Variants in S100B observed in about 807,000 individuals in gnomAD.
S100B encodes S100 calcium binding protein B.
A neutral mutation model predicts 7.7 loss-of-function variants in S100B; 6 were observed. That is an observed-to-expected ratio of 0.78 (90% confidence interval 0.43 to 1.54). S100B has a LOEUF of 1.54. S100B is among the 40% of genes most tolerant of loss of function. The pLI is 0.01. For synonymous variants in S100B, 36 were observed against 40.4 expected (o/e 0.89, Z 0.41); for missense variants, 99 against 111.8 (o/e 0.89, Z 0.52).
At chr21:46,604,026 A>G (rs1187064115) in intron 1 of S100B, among the ~76,000 whole-genome samples, 2 of 152,228 alleles carry the variant, frequency 1.3e-5, no homozygotes. Context: ...CTCAAAGTCC[A>G]TGATGATTTG....
chr21:46,600,881 C>T (rs1170864224), intron 2 of S100B, among the ~76,000 whole-genome samples: 1 of 152,172 alleles, frequency 6.6e-6, no homozygotes, highest in East Asian at 1.9e-4. Context: ...AGCCCTTGTT[C>T]AGAAGAAGAA....
chr21:46,603,392 A>AGGGGACGGCGGGAGGGCGGGGGGG (rs1555923730), intron 1 of S100B, among the ~76,000 whole-genome samples: 1 of 38,206 alleles, frequency 2.6e-5, no homozygotes, highest in Non-Finnish European at 4.9e-5. Context: ...GGACGGCGGG[A>AGGGGACGGCGGGAGGGCGGGGGGG]GGGGGTGGGG....
At chr21:46,604,361 CA>C (rs1455628426) in intron 1 of S100B, among the ~76,000 whole-genome samples, 1 of 152,206 alleles carries the variant, frequency 6.6e-6, no homozygotes, top group Non-Finnish European at 1.5e-5. Context: ...CTTAGAAAGA[CA>C]AGTTACCTAG....
chr21:46,603,993 A>G (rs1211645026), intron 1 of S100B, among the ~76,000 whole-genome samples: 3 of 152,214 alleles, frequency 2.0e-5, no homozygotes, highest in Non-Finnish European at 4.4e-5. Flanking sequence ...AAAACAAGAC[A>G]CTTTTACATC....
intron 2 of S100B, 109 bp from the exon 3 acceptor site, chr21:46,599,612 A>G (rs2061036054): frequency 1.0e-5 from 10 of 958,666 alleles, no homozygotes; most frequent in Admixed American, 7.6e-5. Context: ...GAAATAACCT[A>G]AGAACATCAA....
Position 46,598,671 on chromosome 21 carries a change from C to T in S100B, c.*692G>A, listed in dbSNP as rs922312655. Among the ~76,000 whole-genome samples the T allele has an allele frequency of 6.6e-6, 1 of 152,238 alleles. No homozygotes were observed. The highest frequency in any genetic ancestry group is 1.5e-5 in the Non-Finnish European group (1 of 68,052). On this transcript the variant is annotated 3_prime_UTR_variant, in exon 3 of 3. Coordinates refer to ENST00000291700, the MANE Select transcript of S100B (RefSeq NM_006272.3). ...GGCTCAGAGCCCCCGGTAGTGCCCT[C>T]GGAAGCCGCATGTGCTGGAGGCACG...
intron 2 of S100B, 122 bp from the exon 3 acceptor site, chr21:46,599,625 G>T: frequency 1.1e-6 from 1 of 890,710 alleles, no homozygotes. Flanking sequence ...AACATCAAAT[G>T]CAAAATATCA....
chr21:46,602,705 G>A (rs2061045103), intron 1 of S100B: 1 of 280,344 alleles, frequency 3.6e-6, no homozygotes. Context: ...GGGCCAACAG[G>A]GAAACTGGCA....
chr21:46,599,395 T>G lies in S100B; in HGVS notation c.247A>C (p.Thr83Pro). The change falls in exon 3 of 3, where the codon ACT becomes CCT. Residue 83 changes from threonine (T) to proline (P), a missense_variant. Transcript: ENST00000291700. ...TGTTCAAAGAACTCGTGGCAGGCAGTAGTAACCATGGCAACAAAGGCCATG... is the reference window on the plus strand; with the variant it reads ...TGTTCAAAGAACTCGTGGCAGGCAGGAGTAACCATGGCAACAAAGGCCATG... ...EFMAFVAMVT[T>P]ACHEFFEHE 1 of 1,614,076 alleles carries G rather than the reference T, an allele frequency of 6.2e-7. No individual in the cohort carries two copies. The highest frequency in any genetic ancestry group is 1.3e-5 in the African/African-American group (1 of 75,036).
chr21:46,601,988 T>C (rs931659759), intron 2 of S100B, among the ~76,000 whole-genome samples: 2 of 152,252 alleles, frequency 1.3e-5, no homozygotes, highest in Non-Finnish European at 2.9e-5. Flanking sequence ...TTATGTTCCC[T>C]TTGGTCCATG....
intron 1 of S100B, among the ~76,000 whole-genome samples, chr21:46,603,392 A>AGGGGGTGGGGGGTGGGGGGGGTGGGG (rs796474856): frequency 2.6e-5 from 1 of 38,206 alleles, no homozygotes; most frequent in Non-Finnish European, 4.9e-5. Context: ...GGACGGCGGG[A>AGGGGGTGGGGGGTGGGGGGGGTGGGG]GGGGGTGGGG....
intron 1 of S100B, 45 bp downstream of exon 1, chr21:46,604,968 G>A (rs1168920054): frequency 1.3e-5 from 2 of 152,302 alleles, no homozygotes; most frequent in Non-Finnish European, 2.9e-5. Context: ...CAAAAGAAAA[G>A]AACCATTTCT....
chr21:46,599,721 G>C (rs2061036315), intron 2 of S100B, among the ~76,000 whole-genome samples: 4 of 152,030 alleles, frequency 2.6e-5, no homozygotes, highest in Admixed American at 1.3e-4. Context: ...ACTGGAAAAG[G>C]CTGAATGGAA....
At chr21:46,601,787 G>C (rs1490665235) in intron 2 of S100B, among the ~76,000 whole-genome samples, 1 of 152,220 alleles carries the variant, frequency 6.6e-6, no homozygotes, top group Non-Finnish European at 1.5e-5. Flanking sequence ...TGCCAGGCTG[G>C]GTGCCCCAGA....
chr21:46,600,667 C>T (rs7282904), intron 2 of S100B, among the ~76,000 whole-genome samples: 41,351 of 152,062 alleles, frequency 0.27, 6,263 homozygotes, highest in Middle Eastern at 0.34. Context: ...CATCTGCTTC[C>T]GAACTGAAAT....
At chr21:46,603,908 GCTTT>G (rs1393561532) in intron 1 of S100B, among the ~76,000 whole-genome samples, 2 of 152,032 alleles carry the variant, frequency 1.3e-5, no homozygotes, top group Non-Finnish European at 2.9e-5. Context: ...AACATTTCAT[GCTTT>G]CTTATTCTTT....
chr21:46,600,360 T>C (rs1482967511), intron 2 of S100B: 4 of 443,216 alleles, frequency 9.0e-6, no homozygotes, highest in Admixed American at 4.8e-5. Context: ...CTGGGCAACA[T>C]AGGGAGACTC....
rs1314365966 is a variant in S100B, at chr21:46,598,724, C to CT, written c.*638dup. Among the ~76,000 whole-genome samples, 21 of 152,242 alleles carry CT rather than the reference C, an allele frequency of 1.4e-4. No homozygotes were observed. Among genetic ancestry groups the CT allele is most frequent in the African/African-American group, 5.1e-4 (21 of 41,476 alleles). ...GGAGGCAAGGATCCTGCAGCCGCGA[C>CT]TTGAATCGCATGGGTCACGGAGGCC... On this transcript the variant is annotated 3_prime_UTR_variant, in exon 3 of 3. Transcript: ENST00000291700.
chr21:46,603,057 T>C (rs1375301696), intron 1 of S100B, among the ~76,000 whole-genome samples: 4 of 152,118 alleles, frequency 2.6e-5, no homozygotes, highest in Non-Finnish European at 5.9e-5. Context: ...ACATAAAATG[T>C]AGGAAGTTTT....
Sources: allele counts gnomAD v4.1 joint callset (sites outside exome capture counted in the v4.1 genomes callset), GRCh38; gene constraint gnomAD v4.1.1; transcripts MANE v1.5; gene names NCBI Gene and HGNC (gene_info 2026-07-23, HGNC 2026-07-21).